Variants in NR3C1 observed in about 807,000 individuals in gnomAD.
NR3C1 encodes the protein glucocorticoid receptor.
Under a neutral mutation model 74.0 loss-of-function variants are expected in NR3C1, and 14 were observed. That is an observed-to-expected ratio of 0.19 (90% CI 0.12 to 0.30). The LOEUF is 0.30. NR3C1 is among the 10% of genes least tolerant of loss of function. The probability of loss-of-function intolerance (pLI) is 1.00; values close to 1 mark genes in which losing one functional copy is unlikely to be tolerated. For synonymous variants in NR3C1, 308 were observed against 332.5 expected (o/e 0.93, Z 0.80); for missense variants, 695 against 909.8 (o/e 0.76, Z 3.04).
chr5:143,400,321 C>G lies in NR3C1; in HGVS notation c.519G>C (p.Gln173His). Residue 173 changes from glutamine (Q) to histidine (H), a missense_variant, in exon 2 of 9, where the codon CAG (glutamine) becomes CAC (histidine). By Grantham distance (24) the Gln-to-His change is conservative. Coordinates refer to ENST00000394464, the MANE Select transcript of NR3C1 (RefSeq NM_000176.3). ...VSSEQQHLKG[Q>H]TGTNGGNVKL... ...TCACATTGCCACCGTTGGTGCCAGT[C>G]TGGCCCTTCAAATGTTGCTGTTCTG... 6.2e-7 allele frequency: 1 copy of G among 1,612,888 alleles called. No individual in the cohort carries two copies. The highest frequency in any genetic ancestry group is 8.5e-7 in the Non-Finnish European group (1 of 1,179,226).
chr5:143,405,453 G>C (rs536198785), upstream of NR3C1: 1 of 697,338 alleles, frequency 1.4e-6, no homozygotes, highest in African/African-American at 1.9e-5. Context: ...TCGCCAGCCC[G>C]TCCCCGCGGC....
chr5:143,429,149 T>C (rs1159204666), intron 1 of NR3C1, among the ~76,000 whole-genome samples: 1 of 152,218 alleles, frequency 6.6e-6, no homozygotes. Flanking sequence ...CACTCACATA[T>C]ACCACCATCT....
At chr5:143,371,577 C>T (rs1312033612) in intron 2 of NR3C1, among the ~76,000 whole-genome samples, 2 of 152,130 alleles carry the variant, frequency 1.3e-5, no homozygotes, top group African/African-American at 2.4e-5. Context: ...AAGTATAAAG[C>T]AAAAAAACCG....
chr5:143,302,946 T>C lies in NR3C1; in HGVS notation c.1469-2183A>G, dbSNP rs1399271588. On this transcript the variant is annotated intron_variant, in intron 4 of 8. Transcript: ENST00000394464. ...GTCTGTGGTAACACTACTTCCTTCTTAATGAAAGTAGAGAAATCTTAATTA... is the reference window on the plus strand; with the variant it reads ...GTCTGTGGTAACACTACTTCCTTCTCAATGAAAGTAGAGAAATCTTAATTA... 2.6e-5 allele frequency among the ~76,000 whole-genome samples: 4 copies of C among 152,028 alleles called. No individual in the cohort carries two copies. In the South Asian group the frequency reaches 6.2e-4, roughly 24 times the overall value.
At chr5:143,310,358 TTA>T in intron 3 of NR3C1, 145 bp from the exon 4 acceptor site, 3 of 676,188 alleles carry the variant, frequency 4.4e-6, no homozygotes, top group Non-Finnish European at 2.6e-6. Flanking sequence ...TACATTGCCA[TTA>T]TGAGGTCGAG....
At chr5:143,317,131 G>A (rs1822293228) in intron 2 of NR3C1, among the ~76,000 whole-genome samples, 1 of 152,144 alleles carries the variant, frequency 6.6e-6, no homozygotes, top group Admixed American at 6.5e-5. Flanking sequence ...AATAGGAGGA[G>A]TAAGATAGCC....
intron 3 of NR3C1, among the ~76,000 whole-genome samples, chr5:143,313,579 C>G (rs1821418435): frequency 6.7e-6 from 1 of 149,458 alleles, no homozygotes; most frequent in Non-Finnish European, 1.5e-5. Flanking sequence ...AAATGAATAT[C>G]TTTTTTTTTT....
chr5:143,295,668 G>C (rs1303036916), intron 6 of NR3C1, 78 bp from the exon 7 acceptor site: 1 of 1,159,490 alleles, frequency 8.6e-7, no homozygotes, highest in Non-Finnish European at 1.3e-6. Flanking sequence ...GTTTTGTTTT[G>C]CAAAACTATG....
At chr5:143,405,234 C>A (rs1262951029), upstream of NR3C1, 11 of 985,634 alleles carry the variant, frequency 1.1e-5, no homozygotes, top group Non-Finnish European at 1.3e-5. Context: ...AACTTTTGCG[C>A]CCCCACAGGT....
chr5:143,292,859 A>G (rs1408118083), intron 7 of NR3C1, among the ~76,000 whole-genome samples: 2 of 152,074 alleles, frequency 1.3e-5, no homozygotes, highest in Non-Finnish European at 2.9e-5. Context: ...ATTCTTCTAG[A>G]TTTTGAAGTG....
intron 2 of NR3C1, among the ~76,000 whole-genome samples, chr5:143,356,089 C>A (rs890260103): frequency 9.9e-5 from 15 of 152,110 alleles, no homozygotes; most frequent in Non-Finnish European, 7.4e-5. Flanking sequence ...AATATTGCTC[C>A]AAAATATTCC....
At chr5:143,364,663 A>G (rs1832887711) in intron 2 of NR3C1, among the ~76,000 whole-genome samples, 1 of 152,196 alleles carries the variant, frequency 6.6e-6, no homozygotes, top group African/African-American at 2.4e-5. Context: ...CAAAGTTTTT[A>G]TACACTGTTG....
intron 2 of NR3C1, among the ~76,000 whole-genome samples, chr5:143,343,310 G>C (rs1470242088): frequency 6.6e-6 from 1 of 152,244 alleles, no homozygotes; most frequent in South Asian, 2.1e-4. Flanking sequence ...CTCCCTCTTT[G>C]GTAACTCATG....
At chr5:143,403,707 GCA>G (rs1840801430), upstream of NR3C1, 2 of 985,304 alleles carry the variant, frequency 2.0e-6, no homozygotes, top group Non-Finnish European at 2.4e-6. Flanking sequence ...GCACACACTC[GCA>G]CACACGCGCT....
At chr5:143,420,187 C>T (rs1751150544) in intron 1 of NR3C1, among the ~76,000 whole-genome samples, 2 of 152,152 alleles carry the variant, frequency 1.3e-5, no homozygotes, top group Non-Finnish European at 2.9e-5. Flanking sequence ...ACATGCTCTA[C>T]AATTTGTGCA....
At chr5:143,355,582 G>A (rs866961060) in intron 2 of NR3C1, among the ~76,000 whole-genome samples, 1 of 152,132 alleles carries the variant, frequency 6.6e-6, no homozygotes, top group Admixed American at 6.5e-5. Flanking sequence ...GTGATGGTCA[G>A]TAAATTAAAT....
intron 2 of NR3C1, among the ~76,000 whole-genome samples, chr5:143,399,273 A>G (rs919050397): frequency 2.0e-5 from 3 of 152,230 alleles, no homozygotes; most frequent in African/African-American, 7.2e-5. Context: ...CATTTATTGT[A>G]ATATAAGAAC....
At chr5:143,285,280 A>G (rs1337401549) in intron 7 of NR3C1, among the ~76,000 whole-genome samples, 5 of 152,190 alleles carry the variant, frequency 3.3e-5, no homozygotes, top group African/African-American at 1.2e-4. Context: ...GCAAGGCTAA[A>G]TTAGTCCCAG....
At chr5:143,334,617 C>T (rs1194697234) in intron 2 of NR3C1, among the ~76,000 whole-genome samples, 1 of 151,610 alleles carries the variant, frequency 6.6e-6, no homozygotes, top group African/African-American at 2.4e-5. Context: ...TCGACCAAGC[C>T]CAAGGACATA....
Sources: gnomAD v4.1 joint callset for allele counts (sites outside exome capture counted in the v4.1 genomes callset) on GRCh38, gnomAD v4.1.1 for gene constraint, MANE v1.5 for transcripts, NCBI Gene and HGNC (gene_info 2026-07-23, HGNC 2026-07-21) for gene names.